GRM8: variants seen among roughly 807,000 people sequenced by gnomAD.
The protein encoded by GRM8 is metabotropic glutamate receptor 8.
Under a neutral mutation model 87.2 loss-of-function variants are expected in GRM8, and 47 were observed. The observed-to-expected ratio is 0.54, with a 90% confidence interval of 0.43 to 0.69. The LOEUF (loss-of-function observed/expected upper bound fraction) is 0.69. GRM8 is among the 30% of genes least tolerant of loss of function. The pLI is 0.00. For synonymous variants in GRM8, 396 were observed against 404.5 expected (o/e 0.98, Z 0.25); for missense variants, 1,019 against 1,139.2 (o/e 0.89, Z 1.52).
intron 7 of GRM8, among the ~76,000 whole-genome samples, chr7:126,686,994 T>A (rs151040220): frequency 8.3e-4 from 127 of 152,370 alleles, no homozygotes; most frequent in African/African-American, 2.9e-3. Context: ...CCAGTTTTTA[T>A]CTTTTTATAA....
intron 3 of GRM8, among the ~76,000 whole-genome samples, chr7:126,963,218 T>C (rs899028377): frequency 6.6e-6 from 1 of 152,194 alleles, no homozygotes; most frequent in Non-Finnish European, 1.5e-5. Context: ...CAAGTGACTA[T>C]TCATTTCCAA....
intron 6 of GRM8, among the ~76,000 whole-genome samples, chr7:126,812,613 T>C (rs1334788146): frequency 6.6e-6 from 1 of 151,702 alleles, no homozygotes; most frequent in Non-Finnish European, 1.5e-5. Flanking sequence ...TTACATTTTA[T>C]ATAGGAAAGT....
At chr7:126,531,759 T>C (rs1434020780) in intron 9 of GRM8, among the ~76,000 whole-genome samples, 1 of 152,214 alleles carries the variant, frequency 6.6e-6, no homozygotes, top group African/African-American at 2.4e-5. Context: ...AAGGCCACAT[T>C]GATTGAGGAA....
At chr7:126,508,173 A>G (rs1020361960) in intron 9 of GRM8, among the ~76,000 whole-genome samples, 1 of 151,854 alleles carries the variant, frequency 6.6e-6, no homozygotes, top group Admixed American at 6.6e-5. Context: ...ATTTTTGTAT[A>G]TTATTATCTC....
Position 126,689,843 on chromosome 7 carries a change from T to C in GRM8, c.1357+80022A>G, listed in dbSNP as rs115146296. Among the ~76,000 whole-genome samples, 885 of 152,336 alleles carry C rather than the reference T, an allele frequency of 5.8e-3. 7 individuals are homozygous for C. The highest frequency in any genetic ancestry group is 0.02 in the African/African-American group (848 of 41,586). On this transcript the variant is annotated intron_variant, in intron 7 of 10. Coordinates refer to ENST00000339582, the MANE Select transcript of GRM8 (RefSeq NM_000845.3). ...ATGACCATGGGTAAAATTGTTCTTATGCTACTGGACTCAGAGAGGCTATAT... is the reference window on the plus strand; with the variant it reads ...ATGACCATGGGTAAAATTGTTCTTACGCTACTGGACTCAGAGAGGCTATAT...
chr7:126,498,925 A>G (rs1377700579), intron 9 of GRM8, among the ~76,000 whole-genome samples: 1 of 152,004 alleles, frequency 6.6e-6, no homozygotes, highest in East Asian at 1.9e-4. Flanking sequence ...AATCTCTTCT[A>G]CATTTATTGT....
chr7:127,173,710 A>G (rs946650198), intron 2 of GRM8, among the ~76,000 whole-genome samples: 7 of 152,144 alleles, frequency 4.6e-5, no homozygotes, highest in Non-Finnish European at 8.8e-5. Context: ...CACCTAAGAC[A>G]TCTGTCCCCA....
At chr7:126,589,705 A>G (rs1176558763) in intron 8 of GRM8, among the ~76,000 whole-genome samples, 2 of 152,002 alleles carry the variant, frequency 1.3e-5, no homozygotes, top group Non-Finnish European at 2.9e-5. Context: ...TAATACAACT[A>G]CGGGCCCTCA....
chr7:126,450,977 G>A (rs936280956), intron 9 of GRM8, among the ~76,000 whole-genome samples: 2 of 151,844 alleles, frequency 1.3e-5, no homozygotes, highest in African/African-American at 2.4e-5. Context: ...ACAAGACCCT[G>A]TAATAGAAGG....
chr7:126,975,753 G>C (rs1810921789), intron 3 of GRM8, among the ~76,000 whole-genome samples: 1 of 152,128 alleles, frequency 6.6e-6, no homozygotes, highest in Non-Finnish European at 1.5e-5. Flanking sequence ...ATGCACATGA[G>C]TTAATTATAA....
intron 3 of GRM8, chr7:127,076,262 G>A (rs1412173969): frequency 2.2e-6 from 1 of 454,928 alleles, no homozygotes; most frequent in African/African-American, 2.0e-5. Context: ...GAAAAATGAG[G>A]CAAATAGACT....
intron 8 of GRM8, among the ~76,000 whole-genome samples, chr7:126,600,797 C>T (rs12538710): frequency 0.32 from 48,772 of 151,892 alleles, 8,452 homozygotes; most frequent in East Asian, 0.44. Context: ...AAGTAATGAC[C>T]TCAAAATGAC....
Position 126,446,378 on chromosome 7 carries a change from G to T in GRM8, c.2431-6C>A. The T allele has an allele frequency of 6.4e-7, 1 of 1,566,286 alleles. No homozygotes were observed. The highest frequency in any genetic ancestry group is 8.7e-7 in the Non-Finnish European group (1 of 1,153,810). The stretch of plus-strand genomic sequence containing the variant: ...GTTGTTGTCTGGATGTACATCTGAG[G>T]GAAGAAAAAAAAAAGAATCACTGTT... On this transcript the variant is annotated splice_polypyrimidine_tract_variant and splice_region_variant and intron_variant, in intron 9 of 10. Transcript: ENST00000339582.
chr7:126,909,388 C>T (rs1003857821), intron 3 of GRM8, among the ~76,000 whole-genome samples: 4 of 151,976 alleles, frequency 2.6e-5, no homozygotes, highest in Admixed American at 6.5e-5. Flanking sequence ...ATTTAAATTC[C>T]TGGGGTGGGT....
intron 8 of GRM8, among the ~76,000 whole-genome samples, chr7:126,559,221 C>T (rs1322230437): frequency 3.4e-5 from 5 of 147,552 alleles, no homozygotes; most frequent in Admixed American, 6.9e-5. Context: ...GGTGCGATCT[C>T]GGCTCACTGC....
At chr7:127,227,666 T>C (rs1478968029) in intron 2 of GRM8, among the ~76,000 whole-genome samples, 1 of 152,220 alleles carries the variant, frequency 6.6e-6, no homozygotes, top group African/African-American at 2.4e-5. Context: ...ATATTCTTCC[T>C]TCCATGGAAA....
chr7:126,956,432 T>A (rs1280296894), intron 3 of GRM8, among the ~76,000 whole-genome samples: 1 of 152,228 alleles, frequency 6.6e-6, no homozygotes, highest in Non-Finnish European at 1.5e-5. Context: ...AAGAATAGTG[T>A]CTGACAGTAG....
At chr7:127,193,645 T>C (rs1018742043) in intron 2 of GRM8, among the ~76,000 whole-genome samples, 3 of 152,196 alleles carry the variant, frequency 2.0e-5, no homozygotes, top group Non-Finnish European at 4.4e-5. Flanking sequence ...GGTAATACTT[T>C]GGGTCAAGAA....
chr7:127,226,325 C>A (rs148054040), intron 2 of GRM8, among the ~76,000 whole-genome samples: 79 of 152,248 alleles, frequency 5.2e-4, no homozygotes, highest in African/African-American at 1.8e-3. Context: ...CCAATTATTC[C>A]TTCTCCTTGC....
Sources: gnomAD v4.1 joint callset for allele counts (sites outside exome capture counted in the v4.1 genomes callset) on GRCh38, gnomAD v4.1.1 for gene constraint, MANE v1.5 for transcripts, NCBI Gene and HGNC (gene_info 2026-07-23, HGNC 2026-07-21) for gene names.